IL1RAPL2: variants seen among roughly 807,000 people sequenced by gnomAD.
IL1RAPL2 encodes the protein interleukin 1 receptor accessory protein like 2.
In IL1RAPL2, 3 loss-of-function variants were observed where a neutral mutation model predicts 44.1. That is an observed-to-expected ratio of 0.07 (90% CI 0.03 to 0.18). The LOEUF is 0.18. IL1RAPL2 is among the 10% of genes least tolerant of loss of function. The pLI is 1.00. For missense variants in IL1RAPL2, 391 were observed against 496.4 expected (o/e 0.79, Z 2.02); for synonymous variants, 181 against 178.8 (o/e 1.01, Z -0.10).
intron 1 of IL1RAPL2, among the ~76,000 whole-genome samples, chrX:104,580,199 T>C (rs1472990622): frequency 1.8e-5 from 2 of 112,617 alleles, no homozygotes; most frequent in African/African-American, 3.2e-5. Flanking sequence ...TGGTCCATTG[T>C]ATTATTTTCT....
rs192109721 is a variant in IL1RAPL2 at position 105,407,084 on chromosome X, A to C, written c.698-77229A>C. ...CTGGAGGAAGATGTACAAGATGAAA[A>C]TGTTTTCCTTATCACTTTTCTTTCT... is the stretch of plus-strand genomic sequence containing the variant. On this transcript the variant is annotated intron_variant, in intron 5 of 10. Coordinates refer to ENST00000372582, the MANE Select transcript of IL1RAPL2 (RefSeq NM_017416.2). 83 of 614,292 alleles carry C rather than the reference A, an allele frequency of 1.4e-4. No homozygotes were observed. The African/African-American group carries it at 1.8e-3, about 14-fold the overall frequency. The allele number at this position is 614,292 out of a possible 1,213,427, so 50.6% of individuals were successfully genotyped here. A position where few individuals can be genotyped will look rare whatever the true frequency, so the allele number is the denominator to read the frequency against.
At chrX:105,546,690 C>T (rs975003969) in intron 6 of IL1RAPL2, among the ~76,000 whole-genome samples, 5 of 110,703 alleles carry the variant, frequency 4.5e-5, no homozygotes, top group African/African-American at 1.6e-4. Context: ...TTAGTTATGG[C>T]AAAAAGAGGA....
At chrX:105,085,682 C>T (rs1009722517) in intron 2 of IL1RAPL2, among the ~76,000 whole-genome samples, 2 of 111,591 alleles carry the variant, frequency 1.8e-5, no homozygotes, top group African/African-American at 6.5e-5. Flanking sequence ...ATACAGTTAA[C>T]CGTTGAACAA....
chrX:104,763,927 G>A (rs991021847), intron 2 of IL1RAPL2, among the ~76,000 whole-genome samples: 3 of 111,634 alleles, frequency 2.7e-5, no homozygotes, highest in African/African-American at 9.8e-5. Context: ...ATGTATGTAT[G>A]TTTATGCCAG....
chrX:105,447,508 T>C (rs1462034672), intron 5 of IL1RAPL2, among the ~76,000 whole-genome samples: 2 of 75,498 alleles, frequency 2.6e-5, no homozygotes, highest in East Asian at 9.2e-4. Context: ...AATATATATT[T>C]ATATAAATAT....
At chrX:105,482,067 T>C (rs962543396) in intron 5 of IL1RAPL2, among the ~76,000 whole-genome samples, 49 of 112,680 alleles carry the variant, frequency 4.3e-4, no homozygotes, top group African/African-American at 1.5e-3. Context: ...CTTGTTTTTT[T>C]CATTAAACAG....
At chrX:105,681,333 A>C (rs983937978) in intron 6 of IL1RAPL2, among the ~76,000 whole-genome samples, 1 of 111,823 alleles carries the variant, frequency 8.9e-6, no homozygotes, top group African/African-American at 3.3e-5. Flanking sequence ...TTCAGTTCGA[A>C]GTATTCAGTA....
chrX:105,138,660 A>G (rs1396984363), intron 2 of IL1RAPL2, among the ~76,000 whole-genome samples: 1 of 111,257 alleles, frequency 9.0e-6, no homozygotes, highest in Non-Finnish European at 1.9e-5. Context: ...ATGCCTCCCC[A>G]TGTTCAAAAG....
At chrX:105,052,498 A>G (rs2031941002) in intron 2 of IL1RAPL2, among the ~76,000 whole-genome samples, 1 of 112,040 alleles carries the variant, frequency 8.9e-6, no homozygotes, top group Non-Finnish European at 1.9e-5. Flanking sequence ...AATGGAACTC[A>G]TGGTCAGCAA....
At chrX:105,220,434 G>A (rs1795776931) in intron 3 of IL1RAPL2, 1 of 1,110,469 alleles carries the variant, frequency 9.0e-7, no homozygotes, top group African/African-American at 1.8e-5. Flanking sequence ...CTAGCCCTGT[G>A]TGGATGGAGC....
intron 5 of IL1RAPL2, among the ~76,000 whole-genome samples, chrX:105,399,928 G>A (rs939446877): frequency 6.3e-5 from 7 of 110,828 alleles, no homozygotes; most frequent in African/African-American, 2.0e-4. Flanking sequence ...CCTAATTTAG[G>A]AGGAAGTGAT....
intron 2 of IL1RAPL2, among the ~76,000 whole-genome samples, chrX:104,893,109 T>A (rs1416032080): frequency 6.2e-5 from 7 of 112,037 alleles, no homozygotes; most frequent in Non-Finnish European, 9.4e-5. Context: ...TTTGAGTGAG[T>A]TTCTTAATCC....
chrX:104,899,124 C>A (rs1343409), intron 2 of IL1RAPL2, among the ~76,000 whole-genome samples: 3 of 111,375 alleles, frequency 2.7e-5, no homozygotes, highest in Admixed American at 1.9e-4. Context: ...CATTTGCAAT[C>A]GGCCTATTAT....
chrX:104,838,847 C>CT (rs3086025), intron 2 of IL1RAPL2, among the ~76,000 whole-genome samples: 7,319 of 36,182 alleles, frequency 0.2, 688 homozygotes, highest in Non-Finnish European at 0.31. Flanking sequence ...TTCTTTCTTT[C>CT]TTTTTTTTTT....
At chrX:105,405,653 C>T (rs772514258) in intron 5 of IL1RAPL2, 8 of 1,122,595 alleles carry the variant, frequency 7.1e-6, no homozygotes, top group Admixed American at 2.2e-5. Context: ...CGCGATGAGG[C>T]GGGTGACCCT....
intron 5 of IL1RAPL2, among the ~76,000 whole-genome samples, chrX:105,314,048 C>G (rs934009710): frequency 1.8e-5 from 2 of 111,913 alleles, no homozygotes; most frequent in Admixed American, 9.5e-5. Flanking sequence ...ATTGTGCTTC[C>G]TTTATCTAAA....
At chrX:105,185,013 C>T (rs1303697967) in intron 2 of IL1RAPL2, among the ~76,000 whole-genome samples, 1 of 111,867 alleles carries the variant, frequency 8.9e-6, no homozygotes, top group Non-Finnish European at 1.9e-5. Context: ...ATCACCTTTA[C>T]GTACACTCTC....
chrX:104,643,119 G>C (rs752066322), intron 1 of IL1RAPL2, among the ~76,000 whole-genome samples: 1 of 112,046 alleles, frequency 8.9e-6, no homozygotes, highest in East Asian at 2.8e-4. Context: ...CATTGAGTTA[G>C]GTTGTTACTT....
intron 2 of IL1RAPL2, among the ~76,000 whole-genome samples, chrX:104,695,900 C>T (rs139383970): frequency 0.035 from 3,896 of 111,073 alleles, 68 homozygotes; most frequent in Non-Finnish European, 0.056. Flanking sequence ...CACTGTCTCC[C>T]GGGTTCAAAT....
Sources: allele counts gnomAD v4.1 joint callset (sites outside exome capture counted in the v4.1 genomes callset), GRCh38; gene constraint gnomAD v4.1.1; transcripts MANE v1.5; gene names NCBI Gene and HGNC (gene_info 2026-07-23, HGNC 2026-07-21).